ACSS2: variants seen among roughly 807,000 people sequenced by gnomAD.
ACSS2 encodes the protein acetyl-coenzyme A synthetase, cytoplasmic.
A neutral mutation model predicts 90.6 loss-of-function variants in ACSS2; 58 were observed. The ratio of observed to expected loss-of-function variants is 0.64; its 90% CI spans 0.52 to 0.80. The LOEUF (loss-of-function observed/expected upper bound fraction) is 0.80, where lower values mean the gene tolerates loss of function less well. Ranked by LOEUF, ACSS2 falls within the 30% of genes least tolerant of loss-of-function variation. The probability of loss-of-function intolerance (pLI) is 0.00; values close to 1 mark genes in which losing one functional copy is unlikely to be tolerated. For synonymous variants in ACSS2, 300 were observed against 330.9 expected (o/e 0.91, Z 1.01); for missense variants, 759 against 912.0 (o/e 0.83, Z 2.16).
intron 2 of ACSS2, among the ~76,000 whole-genome samples, chr20:34,910,287 C>A (rs1216316195): frequency 6.6e-6 from 1 of 152,146 alleles, no homozygotes; most frequent in African/African-American, 2.4e-5. Flanking sequence ...ATTACCCTAG[C>A]CCTGTGTCCT....
chr20:34,883,079 C>T, intron 2 of ACSS2, 90 bp downstream of exon 2: 1 of 969,802 alleles, frequency 1.0e-6, no homozygotes, highest in South Asian at 1.8e-5. Flanking sequence ...GTGTCATCAA[C>T]TTAATGCCTC....
Position 34,923,363 on chromosome 20 carries a change from A to C in ACSS2, c.1589A>C (p.Tyr530Ser). The C allele has an allele frequency of 6.2e-7, 1 of 1,614,180 alleles. No homozygotes were observed. The highest frequency in any genetic ancestry group is 1.1e-5 in the South Asian group (1 of 91,082). ...TGGCCAGGGATCATGCGCACAGTCTATGGGAACCACGAACGCTTTGAGACA... is the reference window on the plus strand; with the variant it reads ...TGGCCAGGGATCATGCGCACAGTCTCTGGGAACCACGAACGCTTTGAGACA... ...QPWPGIMRTV[Y>S]GNHERFETTY... is the part of the protein sequence containing the mutation. The change falls in exon 14 of 18, where the codon TAT (tyrosine) becomes TCT (serine). Residue 530 changes from tyrosine to serine, a missense_variant. Tyr to Ser is a moderately radical substitution (Grantham distance 144). Coordinates refer to ENST00000360596, the MANE Select transcript of ACSS2 (RefSeq NM_018677.4).
At chr20:34,923,507 G>C in intron 14 of ACSS2, 76 bp downstream of exon 14, 1 of 1,062,010 alleles carries the variant, frequency 9.4e-7, no homozygotes, top group Non-Finnish European at 1.4e-6. Context: ...GGAAGAGTTG[G>C]TGTGTTGCTA....
rs1200298907 is a variant in ACSS2, at chr20:34,919,419, C to T, written c.835-16C>T. ...ATCTTGAGCTGTTCACAGTTCTTCCCTGCCCATCCCTGCAGATCTCATGGA... is the reference window on the plus strand; with the variant it reads ...ATCTTGAGCTGTTCACAGTTCTTCCTTGCCCATCCCTGCAGATCTCATGGA... On this transcript the variant is annotated splice_polypyrimidine_tract_variant and intron_variant, in intron 7 of 17. Coordinates refer to ENST00000360596, the MANE Select transcript of ACSS2 (RefSeq NM_018677.4). 1 of 1,613,516 alleles carries T rather than the reference C, an allele frequency of 6.2e-7. No homozygotes were observed. Among genetic ancestry groups the T allele is most frequent in the African/African-American group, 1.3e-5 (1 of 74,862 alleles).
chr20:34,927,618 A>G lies in ACSS2; in HGVS notation c.*404A>G, dbSNP rs1047272674. On this transcript the variant is annotated 3_prime_UTR_variant, in exon 18 of 18. Transcript: ENST00000360596. This position sits in a 1 kb window ranked among gnomAD's most constrained non-coding sequence, Gnocchi z 4.2. ...CATGCACTTGCCCTTAAAAACAATG[A>G]TTTGTGAGTCCAGGAACAATTTACT... 1 of 189,932 alleles carries G rather than the reference A, an allele frequency of 5.3e-6. No individual in the cohort carries two copies. The highest frequency in any genetic ancestry group is 2.3e-5 in the African/African-American group (1 of 43,098). 11.8% of individuals were successfully genotyped at this position (189,932 alleles called of 1,614,324 possible). A position where few individuals can be genotyped will look rare whatever the true frequency, so the allele number is the denominator to read the frequency against.
chr20:34,924,262 A>G (rs1362901043), intron 14 of ACSS2, among the ~76,000 whole-genome samples: 2 of 152,214 alleles, frequency 1.3e-5, no homozygotes, highest in Non-Finnish European at 2.9e-5. Context: ...TGTAGTCAAA[A>G]TCTCCTCCCT....
In ACSS2 at chr20:34,919,544, A is replaced by T. The variant is rs1197235782; in HGVS notation, c.944A>T (p.Tyr315Phe). ...CDAEDPLFIL[Y>F]TSGSTGKPKG... The stretch of plus-strand genomic sequence containing the variant: ...GCCGAGGACCCACTCTTCATCCTGT[A>T]CACCAGTGGCTCCACAGGCAAACCC... Residue 315 changes from tyrosine (Y) to phenylalanine (F), a missense_variant, in exon 8 of 18, where the codon TAC becomes TTC. Physicochemically the swap from Tyr to Phe is conservative, Grantham distance 22. Transcript: ENST00000360596. 1 of 1,611,000 alleles carries T rather than the reference A, an allele frequency of 6.2e-7. No homozygotes were observed. Among genetic ancestry groups the T allele is most frequent in the East Asian group, 2.2e-5 (1 of 44,840 alleles).
chr20:34,923,757 A>T (rs1032399268), intron 14 of ACSS2, among the ~76,000 whole-genome samples: 1 of 152,192 alleles, frequency 6.6e-6, no homozygotes, highest in South Asian at 2.1e-4. Flanking sequence ...ATGAACTCAT[A>T]GAGTTACTGC....
chr20:34,911,762 A>G (rs1245889851), intron 2 of ACSS2, among the ~76,000 whole-genome samples: 1 of 152,220 alleles, frequency 6.6e-6, no homozygotes, highest in East Asian at 1.9e-4. Context: ...CTATCATTGG[A>G]ATATAAGCTC....
chr20:34,913,969 T>G (rs754250846), intron 5 of ACSS2, 127 bp from the exon 6 acceptor site: 1 of 1,354,566 alleles, frequency 7.4e-7, no homozygotes, highest in Non-Finnish European at 1.0e-6. Context: ...CAGCTGACCC[T>G]CTGTCAGCTC....
At chr20:34,876,517 A>G (rs2079910214), upstream of ACSS2, 1 of 1,122,770 alleles carries the variant, frequency 8.9e-7, no homozygotes, top group Non-Finnish European at 1.1e-6. Flanking sequence ...CACCCGCCAG[A>G]CTAAGCCACT....
At chr20:34,884,161 T>C (rs112653087) in intron 2 of ACSS2, among the ~76,000 whole-genome samples, 11 of 152,346 alleles carry the variant, frequency 7.2e-5, no homozygotes, top group African/African-American at 2.4e-4. Context: ...GGTTTCACCA[T>C]GTTGCCCAGG....
rs779825906 is a variant in ACSS2, at chr20:34,926,964, G to T, written c.1978+13G>T. 26 of 1,614,160 alleles carry T rather than the reference G, an allele frequency of 1.6e-5. No individual in the cohort carries two copies. Among genetic ancestry groups the T allele is most frequent in the Non-Finnish European group, 2.1e-5 (25 of 1,180,030 alleles). On this transcript the variant is annotated intron_variant, in intron 17 of 17. Coordinates refer to ENST00000360596, the MANE Select transcript of ACSS2 (RefSeq NM_018677.4). ...AAAACCCGCTCAGGTATGTTCAGAG[G>T]CCTCCATGGATTGGGATGGGCTGAG...
chr20:34,914,883 G>C (rs532481434), intron 7 of ACSS2, among the ~76,000 whole-genome samples: 1 of 152,168 alleles, frequency 6.6e-6, no homozygotes, highest in African/African-American at 2.4e-5. Context: ...TGGACCCCCA[G>C]GCTTCTGGTG....
chr20:34,915,391 C>A, intron 7 of ACSS2: 2 of 947,616 alleles, frequency 2.1e-6, no homozygotes, highest in Admixed American at 1.9e-5. Context: ...GGCAACTTGA[C>A]ATCTAAGCCA....
intron 8 of ACSS2, among the ~76,000 whole-genome samples, chr20:34,919,919 T>TA (rs1344434088): frequency 2.6e-5 from 4 of 152,098 alleles, no homozygotes; most frequent in East Asian, 3.9e-4. Context: ...CCATAACTCT[T>TA]AGAGTTCAAT....
chr20:34,900,586 T>A (rs1056802536), intron 2 of ACSS2, among the ~76,000 whole-genome samples: 7 of 152,190 alleles, frequency 4.6e-5, no homozygotes, highest in African/African-American at 1.7e-4. Flanking sequence ...GGCTATTTAC[T>A]CTAGTTTCAT....
rs1459215286 is a variant in ACSS2 at position 34,921,313 on chromosome 20, C to G, written c.1278-17C>G. 6.2e-7 allele frequency: 1 copy of G among 1,613,804 alleles called. No homozygotes were observed. Among genetic ancestry groups the G allele is most frequent in the Non-Finnish European group, 8.5e-7 (1 of 1,179,986 alleles). ...GTAGTACTCAGAGCCTTCCTCTCTC[C>G]CATTCCCCTGCCCCAGGCATAGCCG... is the stretch of plus-strand genomic sequence containing the variant. On this transcript the variant is annotated splice_polypyrimidine_tract_variant and intron_variant, in intron 10 of 17. Coordinates refer to ENST00000360596, the MANE Select transcript of ACSS2 (RefSeq NM_018677.4).
intron 7 of ACSS2, among the ~76,000 whole-genome samples, chr20:34,918,597 C>G (rs6120763): frequency 0.55 from 83,134 of 151,728 alleles, 23,414 homozygotes; most frequent in South Asian, 0.74. Flanking sequence ...AAGCAAAAGT[C>G]TCTATGGGAA....
Sources: allele counts gnomAD v4.1 joint callset (sites outside exome capture counted in the v4.1 genomes callset), GRCh38; gene constraint gnomAD v4.1.1; non-coding constraint Gnocchi (gnomAD v3.1); transcripts MANE v1.5; gene names NCBI Gene and HGNC (gene_info 2026-07-23, HGNC 2026-07-21).